Variants in NRXN3 observed in about 807,000 individuals in gnomAD.
The protein encoded by NRXN3 is neurexin 3.
Under a neutral mutation model 137.6 loss-of-function variants are expected in NRXN3, and 32 were observed. That is an observed-to-expected ratio of 0.23 (90% CI 0.18 to 0.31). NRXN3 has a LOEUF of 0.31. Among genes scored for constraint, NRXN3 ranks in the 10% least tolerant of loss-of-function variants. The pLI, the probability that NRXN3 is intolerant of heterozygous loss-of-function variation, is 1.00. For synonymous variants in NRXN3, 798 were observed against 784.5 expected, an observed-to-expected ratio of 1.02 and a Z score of -0.29; for missense variants, 1,574 against 2,062.5, an observed-to-expected ratio of 0.76 and a Z score of 4.59.
At chr14:79,637,762 C>T (rs73327959) in intron 16 of NRXN3, among the ~76,000 whole-genome samples, 3,680 of 93,854 alleles carry the variant, frequency 0.039, 172 homozygotes, top group African/African-American at 0.19. Context: ...TGGAGTCTTG[C>T]TCTAGCACAC....
In NRXN3 at chr14:78,548,410, C is replaced by T. The variant is rs181328587; in HGVS notation, c.758-96710C>T. Among the ~76,000 whole-genome samples the T allele has an allele frequency of 1.6e-3, 247 of 152,244 alleles. 1 individual carries two copies. The highest frequency in any genetic ancestry group is 0.01 in the Middle Eastern group (3 of 294). On this transcript the variant is annotated intron_variant, in intron 4 of 20. Transcript: ENST00000335750. ...ACAGGGAGATAAAAGCTTCTTAGGACGGCCCCACTAGACTCTACCAAGTGG... is the reference window on the plus strand; with the variant it reads ...ACAGGGAGATAAAAGCTTCTTAGGATGGCCCCACTAGACTCTACCAAGTGG...
chr14:78,349,761 A>G (rs113130386), intron 4 of NRXN3, among the ~76,000 whole-genome samples: 3,789 of 152,318 alleles, frequency 0.025, 88 homozygotes, highest in Non-Finnish European at 0.039. Flanking sequence ...TGTTACCAGT[A>G]TTATTCCTAG....
intron 10 of NRXN3, among the ~76,000 whole-genome samples, chr14:78,830,535 A>G (rs1047998788): frequency 1.3e-5 from 2 of 152,122 alleles, no homozygotes; most frequent in Non-Finnish European, 2.9e-5. Context: ...TCTTAGCACA[A>G]GATATTACAG....
intron 1 of NRXN3, among the ~76,000 whole-genome samples, chr14:78,188,842 A>T (rs10130602): frequency 1.3e-5 from 2 of 152,080 alleles, no homozygotes; most frequent in African/African-American, 4.8e-5. Context: ...TTGAGGAGTT[A>T]TCAGTAAATT....
At chr14:78,770,913 C>T (rs1049379747) in intron 8 of NRXN3, among the ~76,000 whole-genome samples, 7 of 152,102 alleles carry the variant, frequency 4.6e-5, no homozygotes, top group African/African-American at 1.4e-4. Flanking sequence ...CTTTAATAAG[C>T]GTTGTAACTT....
In NRXN3 at chr14:79,689,552, T is replaced by A. The variant is rs930612007; in HGVS notation, c.3617-2621T>A. On this transcript the variant is annotated intron_variant, in intron 17 of 20. Transcript: ENST00000335750. ...TAACAGCATGCAAGATTGCTATCCTTAGTGCCAGATACTATCAATCTGGTG... is the reference window on the plus strand; with the variant it reads ...TAACAGCATGCAAGATTGCTATCCTAAGTGCCAGATACTATCAATCTGGTG... Among the ~76,000 whole-genome samples the A allele has an allele frequency of 3.3e-5, 5 of 152,102 alleles. No homozygotes were observed. In the East Asian group the frequency reaches 7.7e-4, roughly 24 times the overall value.
At chr14:79,390,225 G>A (rs2094797944) in intron 15 of NRXN3, among the ~76,000 whole-genome samples, 1 of 151,010 alleles carries the variant, frequency 6.6e-6, no homozygotes, top group Non-Finnish European at 1.5e-5. Context: ...GCTGAGGCAG[G>A]AGAATGGCAT....
At chr14:79,004,814 A>G (rs1489709153) in intron 15 of NRXN3, among the ~76,000 whole-genome samples, 1 of 152,090 alleles carries the variant, frequency 6.6e-6, no homozygotes, top group Non-Finnish European at 1.5e-5. Context: ...TGATTCTACA[A>G]TCATTCTTCA....
chr14:78,271,476 T>TA (rs11385086), intron 2 of NRXN3, among the ~76,000 whole-genome samples: 18,897 of 104,194 alleles, frequency 0.18, 2,516 homozygotes, highest in African/African-American at 0.41. Flanking sequence ...CTAAAGCATT[T>TA]AAAAAAAAAA....
chr14:78,828,022 ACT>A (rs1315932093), intron 10 of NRXN3, among the ~76,000 whole-genome samples: 1 of 151,346 alleles, frequency 6.6e-6, no homozygotes, highest in Non-Finnish European at 1.5e-5. Flanking sequence ...GTTTACTTGG[ACT>A]CTCTGCATCT....
intron 6 of NRXN3, among the ~76,000 whole-genome samples, chr14:78,675,934 A>G (rs1004698006): frequency 1.3e-5 from 2 of 152,064 alleles, no homozygotes; most frequent in African/African-American, 2.4e-5. Flanking sequence ...ATGGTAATCT[A>G]TGATTAGTTA....
At chr14:79,668,531 T>C (rs2098583431) in intron 17 of NRXN3, among the ~76,000 whole-genome samples, 1 of 152,088 alleles carries the variant, frequency 6.6e-6, no homozygotes, top group African/African-American at 2.4e-5. Flanking sequence ...AGCCTCAAAC[T>C]TTCTGCTCAC....
At chr14:78,604,432 GA>G (rs1395489236) in intron 4 of NRXN3, among the ~76,000 whole-genome samples, 3 of 151,922 alleles carry the variant, frequency 2.0e-5, no homozygotes, top group Non-Finnish European at 2.9e-5. Context: ...CCCAAGAAGA[GA>G]GTGAAAAAAG....
intron 15 of NRXN3, among the ~76,000 whole-genome samples, chr14:79,269,977 A>G (rs867563268): frequency 3.9e-5 from 6 of 152,244 alleles, no homozygotes; most frequent in African/African-American, 7.2e-5. Context: ...TTTAATAAAC[A>G]GAAGTGTATT....
At chr14:79,729,614 C>T (rs1399755399) in intron 19 of NRXN3, among the ~76,000 whole-genome samples, 1 of 152,190 alleles carries the variant, frequency 6.6e-6, no homozygotes, top group Non-Finnish European at 1.5e-5. Flanking sequence ...TTTCCAATAA[C>T]TCACCTCTTA....
intron 8 of NRXN3, among the ~76,000 whole-genome samples, chr14:78,783,674 A>G (rs1188720407): frequency 6.6e-6 from 1 of 152,192 alleles, no homozygotes; most frequent in East Asian, 1.9e-4. Flanking sequence ...TTGAAATAAA[A>G]AAGTTTAAAA....
intron 4 of NRXN3, chr14:78,526,663 T>C (rs2096384277): frequency 2.3e-6 from 1 of 434,920 alleles, no homozygotes; most frequent in South Asian, 1.8e-5. Flanking sequence ...ATTAACTGAA[T>C]GCTTACTTGT....
intron 15 of NRXN3, among the ~76,000 whole-genome samples, chr14:79,251,687 C>G (rs900097557): frequency 6.6e-6 from 1 of 152,094 alleles, no homozygotes; most frequent in Non-Finnish European, 1.5e-5. Flanking sequence ...GAGCTCAGAC[C>G]TGGGAGAGCA....
At chr14:78,721,477 C>T (rs1269548472) in intron 8 of NRXN3, among the ~76,000 whole-genome samples, 1 of 152,126 alleles carries the variant, frequency 6.6e-6, no homozygotes, top group Non-Finnish European at 1.5e-5. Context: ...AATGCTTTCT[C>T]TTATCCCAAG....
Sources: allele counts gnomAD v4.1 joint callset (sites outside exome capture counted in the v4.1 genomes callset), GRCh38; gene constraint gnomAD v4.1.1; transcripts MANE v1.5; gene names NCBI Gene and HGNC (gene_info 2026-07-23, HGNC 2026-07-21).